The following KIRREL1 variants were observed in gnomAD, a reference collection of about 807,000 sequenced individuals.
The protein encoded by KIRREL1 is kirre like nephrin family adhesion molecule 1, also known as kin of IRRE-like protein 1.
A neutral mutation model predicts 83.3 loss-of-function variants in KIRREL1; 25 were observed. The observed-to-expected ratio is 0.30, with a 90% confidence interval of 0.22 to 0.42. The LOEUF (loss-of-function observed/expected upper bound fraction) is 0.42. KIRREL1 is among the 10% of genes least tolerant of loss of function. KIRREL1 has a pLI of 1.00. For synonymous variants in KIRREL1, 388 were observed against 410.4 expected, an observed-to-expected ratio of 0.95 and a Z score of 0.66; for missense variants, 812 against 1,032.3, an observed-to-expected ratio of 0.79 and a Z score of 2.92.
intron 1 of KIRREL1, among the ~76,000 whole-genome samples, chr1:158,047,699 C>T (rs1440594885): frequency 6.6e-6 from 1 of 152,114 alleles, no homozygotes; most frequent in African/African-American, 2.4e-5. Flanking sequence ...TGAGCCTTGC[C>T]TAAGGTCACT....
intron 1 of KIRREL1, 96 bp downstream of exon 1, chr1:157,993,824 G>C (rs1200729488): frequency 1.3e-6 from 1 of 783,964 alleles, no homozygotes; most frequent in Admixed American, 4.1e-5. Flanking sequence ...CCCGCGGCCC[G>C]CGGCCAGTCC....
chr1:158,056,432 C>G (rs975108559), intron 1 of KIRREL1, among the ~76,000 whole-genome samples: 16 of 152,202 alleles, frequency 1.1e-4, no homozygotes, highest in African/African-American at 3.9e-4. Flanking sequence ...CAGCAGGGGT[C>G]TAGGGGTGAG....
At chr1:158,091,693 T>A in intron 11 of KIRREL1, 137 bp downstream of exon 11, 1 of 810,918 alleles carries the variant, frequency 1.2e-6, no homozygotes, top group Non-Finnish European at 2.0e-6. Flanking sequence ...CAGAGGGATG[T>A]CCTGGCTGAG....
chr1:158,088,606 T>C (rs369068197), intron 8 of KIRREL1, 152 bp downstream of exon 8: 8 of 598,748 alleles, frequency 1.3e-5, no homozygotes, highest in Middle Eastern at 5.2e-4. Context: ...TGCCTCAGCC[T>C]CCCGAGTAGC....
intron 1 of KIRREL1, among the ~76,000 whole-genome samples, chr1:157,998,754 G>A (rs1659272282): frequency 1.3e-5 from 2 of 152,178 alleles, no homozygotes; most frequent in South Asian, 4.1e-4. Flanking sequence ...AACCCGCCTG[G>A]GGAGGCTTTC....
chr1:158,088,634 G>A (rs576249126), intron 8 of KIRREL1, among the ~76,000 whole-genome samples, 180 bp downstream of exon 8: 19 of 151,396 alleles, frequency 1.3e-4, no homozygotes, highest in African/African-American at 4.1e-4. Flanking sequence ...ACAGGCGCCC[G>A]CTACCACGCC....
chr1:158,042,869 C>T (rs1263469819), intron 1 of KIRREL1, among the ~76,000 whole-genome samples: 4 of 143,544 alleles, frequency 2.8e-5, no homozygotes, highest in Non-Finnish European at 6.0e-5. Flanking sequence ...GTCAGGAGAT[C>T]GAGACCATCC....
intron 1 of KIRREL1, among the ~76,000 whole-genome samples, chr1:157,994,122 G>A (rs1659123544): frequency 6.6e-6 from 1 of 152,228 alleles, no homozygotes; most frequent in Non-Finnish European, 1.5e-5. Flanking sequence ...GCTGGGAAGA[G>A]GGTGGGATTT....
chr1:157,993,897 CG>C (rs914468172), intron 1 of KIRREL1, among the ~76,000 whole-genome samples, 169 bp downstream of exon 1: 1 of 151,710 alleles, frequency 6.6e-6, no homozygotes, highest in Non-Finnish European at 1.5e-5. Context: ...GGAGGGGGCG[CG>C]GAGTAACGAG....
intron 1 of KIRREL1, among the ~76,000 whole-genome samples, chr1:158,038,456 TTCCAG>T (rs1234035898): frequency 6.6e-6 from 1 of 150,964 alleles, no homozygotes; most frequent in Non-Finnish European, 1.5e-5. Context: ...ATCTGGTGTC[TTCCAG>T]TCCTTTTACA....
In KIRREL1 at chr1:158,089,708, T is replaced by C; in HGVS notation, c.1172-10T>C. On this transcript the variant is annotated splice_polypyrimidine_tract_variant and intron_variant, in intron 9 of 14. Transcript: ENST00000359209. ...TTAACTGGTTCTGACTTGTGTCTTC[T>C]TGCTTGCAGGGCCCCCCATCATCTC... 1 of 1,614,128 alleles carries C rather than the reference T, an allele frequency of 6.2e-7. No individual in the cohort carries two copies. The highest frequency in any genetic ancestry group is 1.1e-5 in the South Asian group (1 of 91,080).
intron 1 of KIRREL1, among the ~76,000 whole-genome samples, chr1:158,009,477 A>G (rs1207304118): frequency 6.6e-6 from 1 of 152,208 alleles, no homozygotes; most frequent in African/African-American, 2.4e-5. Context: ...TACTACTACC[A>G]TTATTATTAC....
At chr1:158,056,052 G>A (rs115998509) in intron 1 of KIRREL1, among the ~76,000 whole-genome samples, 2,482 of 152,308 alleles carry the variant, frequency 0.016, 72 homozygotes, top group African/African-American at 0.052. Context: ...TGCTTCTGCA[G>A]TGAGGACAGG....
At chr1:158,075,348 G>A (rs1485665706) in intron 1 of KIRREL1, among the ~76,000 whole-genome samples, 1 of 152,238 alleles carries the variant, frequency 6.6e-6, no homozygotes, top group Non-Finnish European at 1.5e-5. Context: ...AAGTCACGTG[G>A]CCTCTCAGCT....
At chr1:158,081,934 C>T (rs1305523207) in intron 3 of KIRREL1, among the ~76,000 whole-genome samples, 3 of 152,212 alleles carry the variant, frequency 2.0e-5, no homozygotes, top group African/African-American at 7.2e-5. Context: ...GCTCGGGGCT[C>T]TGCCCATCCA....
At chr1:158,082,099 G>T (rs1661877976) in intron 3 of KIRREL1, among the ~76,000 whole-genome samples, 1 of 152,018 alleles carries the variant, frequency 6.6e-6, no homozygotes, top group Non-Finnish European at 1.5e-5. Context: ...TCCCCATCTG[G>T]CATTGGAACC....
chr1:157,996,330 T>C (rs1659199667), intron 1 of KIRREL1, among the ~76,000 whole-genome samples: 1 of 152,104 alleles, frequency 6.6e-6, no homozygotes, highest in African/African-American at 2.4e-5. Flanking sequence ...AATTGAAATA[T>C]TTATTCATTT....
In KIRREL1 at chr1:158,094,164, G is replaced by A; in HGVS notation, c.1720-149G>A. 1.4e-6 allele frequency: 1 copy of A among 705,276 alleles called. No individual in the cohort carries two copies. Among genetic ancestry groups the A allele is most frequent in the Non-Finnish European group, 2.6e-6 (1 of 391,542 alleles). The allele number at this position is 705,276 out of a possible 1,614,324, so 43.7% of individuals were successfully genotyped here. On this transcript the variant is annotated intron_variant, in intron 13 of 14. Transcript: ENST00000359209. This position sits in a 1 kb window ranked among gnomAD's most constrained non-coding sequence, Gnocchi z 4.6. ...TGGCCTCTTCCCACCACATCCCAGA[G>A]CCTCTGCTGAGAGGACCAGAACTCA...
At chr1:158,051,002 G>A (rs1031027068) in intron 1 of KIRREL1, among the ~76,000 whole-genome samples, 2 of 152,076 alleles carry the variant, frequency 1.3e-5, no homozygotes, top group African/African-American at 2.4e-5. Context: ...GTCTACCTTC[G>A]GTTTCTCCTG....
Sources: allele counts gnomAD v4.1 joint callset (sites outside exome capture counted in the v4.1 genomes callset), GRCh38; gene constraint gnomAD v4.1.1; non-coding constraint Gnocchi (gnomAD v3.1); transcripts MANE v1.5; gene names NCBI Gene and HGNC (gene_info 2026-07-23, HGNC 2026-07-21).